CEP112: variants seen among roughly 807,000 people sequenced by gnomAD.
CEP112 encodes the protein centrosomal protein 112.
In CEP112, 127 loss-of-function variants were observed where a neutral mutation model predicts 153.0. That is an observed-to-expected ratio of 0.83 (90% CI 0.72 to 0.96). The LOEUF (loss-of-function observed/expected upper bound fraction) is 0.96. Ranked by LOEUF, CEP112 falls within the 40% of genes least tolerant of loss-of-function variation. The pLI, the probability that CEP112 is intolerant of heterozygous loss-of-function variation, is 0.00. For synonymous variants in CEP112, 358 were observed against 374.4 expected (o/e 0.96, Z 0.51); for missense variants, 1,089 against 1,101.2 (o/e 0.99, Z 0.16).
intron 23 of CEP112, among the ~76,000 whole-genome samples, chr17:65,703,225 A>G (rs973034031): frequency 7.9e-5 from 12 of 152,110 alleles, no homozygotes; most frequent in Non-Finnish European, 1.5e-5. Flanking sequence ...TAGAAACCTC[A>G]CCTTATAAGA....
chr17:66,134,356 C>G (rs2070341043), intron 4 of CEP112, among the ~76,000 whole-genome samples: 1 of 152,132 alleles, frequency 6.6e-6, no homozygotes, highest in Middle Eastern at 3.2e-3. Flanking sequence ...GGTCCATGCT[C>G]TAACTTGTCA....
intron 4 of CEP112, among the ~76,000 whole-genome samples, chr17:66,160,503 C>A (rs2071653610): frequency 6.6e-6 from 1 of 152,062 alleles, no homozygotes; most frequent in Non-Finnish European, 1.5e-5. Flanking sequence ...ATATATAAAC[C>A]AATGGAACAG....
intron 8 of CEP112, among the ~76,000 whole-genome samples, chr17:66,070,525 T>C (rs1303254460): frequency 3.3e-5 from 5 of 152,134 alleles, no homozygotes; most frequent in African/African-American, 1.2e-4. Context: ...TTTTCAGTTC[T>C]CTCTCCCGGA....
intron 12 of CEP112, among the ~76,000 whole-genome samples, chr17:66,053,125 A>G (rs1423528142): frequency 1.3e-5 from 2 of 149,372 alleles, no homozygotes; most frequent in Non-Finnish European, 3.0e-5. Flanking sequence ...AAAAAAAAAG[A>G]AAAGAGATTA....
intron 6 of CEP112, among the ~76,000 whole-genome samples, chr17:66,120,801 C>G (rs1009699945): frequency 2.0e-5 from 3 of 152,166 alleles, no homozygotes; most frequent in Non-Finnish European, 4.4e-5. Context: ...ACTTAAAAAT[C>G]CAGCTTTTGG....
At position 65,970,500 on chromosome 17, in the gene CEP112, ATAT is replaced by A. The variant is rs962611227; in HGVS notation, c.1737-8905_1737-8903del. On this transcript the variant is annotated intron_variant, in intron 17 of 26. Coordinates refer to ENST00000535342, the MANE Select transcript of CEP112 (RefSeq NM_001199165.4). ...TATTACATGCATGCACACTACATGC[ATAT>A]TATATGCATGCATATTAAATACATG... is the stretch of plus-strand genomic sequence containing the variant. 4.0e-5 allele frequency among the ~76,000 whole-genome samples: 6 copies of A among 150,438 alleles called. 1 individual carries two copies. Among genetic ancestry groups the A allele is most frequent in the Non-Finnish European group, 8.9e-5 (6 of 67,522 alleles).
At chr17:65,651,580 A>G (rs970010559) in intron 24 of CEP112, among the ~76,000 whole-genome samples, 4 of 152,140 alleles carry the variant, frequency 2.6e-5, no homozygotes, top group Non-Finnish European at 1.5e-5. Context: ...TTCCCTTTTC[A>G]TTGCATCCAC....
intron 20 of CEP112, among the ~76,000 whole-genome samples, chr17:65,857,567 G>C (rs1371891708): frequency 6.6e-6 from 1 of 152,136 alleles, no homozygotes; most frequent in East Asian, 1.9e-4. Flanking sequence ...TGCATTAATG[G>C]AGTAAATTAT....
intron 4 of CEP112, among the ~76,000 whole-genome samples, chr17:66,167,270 AG>A (rs2072015793): frequency 6.6e-6 from 1 of 152,168 alleles, no homozygotes; most frequent in South Asian, 2.1e-4. Context: ...CTAACAAGCA[AG>A]GCCCTGATGA....
chr17:66,128,108 C>T (rs2069938945), intron 6 of CEP112, among the ~76,000 whole-genome samples: 1 of 151,912 alleles, frequency 6.6e-6, no homozygotes, highest in Non-Finnish European at 1.5e-5. Flanking sequence ...TCGAGACCAG[C>T]CTGACCAACA....
intron 4 of CEP112, among the ~76,000 whole-genome samples, chr17:66,145,102 G>T (rs1289010259): frequency 2.0e-5 from 3 of 152,074 alleles, no homozygotes; most frequent in Non-Finnish European, 4.4e-5. Context: ...GGTATGCAGT[G>T]GTATCACACT....
chr17:65,782,619 G>A (rs1156375912), intron 21 of CEP112, among the ~76,000 whole-genome samples: 1 of 152,164 alleles, frequency 6.6e-6, no homozygotes, highest in Non-Finnish European at 1.5e-5. Context: ...ATTGCATAAA[G>A]AAAATGTGGT....
chr17:66,042,376 A>C (rs1397787122), intron 12 of CEP112, among the ~76,000 whole-genome samples: 1 of 152,002 alleles, frequency 6.6e-6, no homozygotes, highest in African/African-American at 2.4e-5. Flanking sequence ...AATAATAATA[A>C]TATGTATTCA....
At chr17:65,665,014 G>A (rs951662224) in intron 24 of CEP112, among the ~76,000 whole-genome samples, 4 of 152,104 alleles carry the variant, frequency 2.6e-5, no homozygotes, top group African/African-American at 9.7e-5. Flanking sequence ...CTTTTTGTAA[G>A]GGCAATAATC....
chr17:66,101,402 T>G (rs541356758), intron 6 of CEP112, among the ~76,000 whole-genome samples: 10 of 152,150 alleles, frequency 6.6e-5, no homozygotes, highest in African/African-American at 2.4e-4. Context: ...TAGACTCTAT[T>G]AGAGCATGAA....
intron 21 of CEP112, among the ~76,000 whole-genome samples, chr17:65,788,641 T>C (rs2054413259): frequency 6.6e-6 from 1 of 152,194 alleles, no homozygotes; most frequent in Admixed American, 6.5e-5. Flanking sequence ...GTTTCCATCT[T>C]ATCCAGATTT....
At chr17:66,147,285 C>T (rs548028745) in intron 4 of CEP112, among the ~76,000 whole-genome samples, 1 of 152,108 alleles carries the variant, frequency 6.6e-6, no homozygotes, top group African/African-American at 2.4e-5. Context: ...GCTTATTGGC[C>T]ATTTTTATAT....
At chr17:65,890,999 T>C (rs1237582019) in intron 20 of CEP112, among the ~76,000 whole-genome samples, 17 of 152,176 alleles carry the variant, frequency 1.1e-4, no homozygotes, top group Admixed American at 1.1e-3. Context: ...TATTCTCCAT[T>C]TATGACAGAT....
At chr17:66,176,111 G>T (rs1483273896) in intron 3 of CEP112, among the ~76,000 whole-genome samples, 1 of 152,172 alleles carries the variant, frequency 6.6e-6, no homozygotes, top group Admixed American at 6.5e-5. Context: ...TGACTAAATT[G>T]TGCTTTAAGT....
Sources: allele counts gnomAD v4.1 joint callset (sites outside exome capture counted in the v4.1 genomes callset), GRCh38; gene constraint gnomAD v4.1.1; transcripts MANE v1.5; gene names NCBI Gene and HGNC (gene_info 2026-07-23, HGNC 2026-07-21).